GALNT13: variants seen among roughly 807,000 people sequenced by gnomAD.
GALNT13 encodes polypeptide N-acetylgalactosaminyltransferase 13.
In GALNT13, 28 loss-of-function variants were observed where a neutral mutation model predicts 64.2. The ratio of observed to expected loss-of-function variants is 0.44; its 90% CI spans 0.32 to 0.60. The LOEUF (loss-of-function observed/expected upper bound fraction) is 0.60, where lower values mean the gene tolerates loss of function less well. Ranked by LOEUF, GALNT13 falls within the 20% of genes least tolerant of loss-of-function variation. The pLI is 0.05. For synonymous variants in GALNT13, 214 were observed against 224.6 expected, an observed-to-expected ratio of 0.95 and a Z score of 0.42; for missense variants, 577 against 669.8, an observed-to-expected ratio of 0.86 and a Z score of 1.53.
chr2:154,211,167 AAAC>A (rs548751663), intron 4 of GALNT13, among the ~76,000 whole-genome samples: 8 of 152,278 alleles, frequency 5.3e-5, no homozygotes, highest in Admixed American at 1.3e-4. Context: ...TTTGTCATGC[AAAC>A]ATCATAGAGT....
chr2:153,724,146 C>T, the GALNT13 span, among the ~76,000 whole-genome samples: 1 of 140,652 alleles, frequency 7.1e-6, no homozygotes, highest in African/African-American at 2.9e-5. Flanking sequence ...TCAGAAATAA[C>T]GCCACATACC....
chr2:153,931,142 A>G (rs1308651896), intron 2 of GALNT13, among the ~76,000 whole-genome samples: 1 of 146,824 alleles, frequency 6.8e-6, no homozygotes, highest in East Asian at 2.1e-4. Context: ...TTTAGATCTC[A>G]GCTCTGACAT....
chr2:153,520,168 ATTTAT>A, the GALNT13 span, among the ~76,000 whole-genome samples: 1 of 152,224 alleles, frequency 6.6e-6, no homozygotes, highest in Non-Finnish European at 1.5e-5. Context: ...TATTTGAGTT[ATTTAT>A]TTTAATGATC....
intron 3 of GALNT13, among the ~76,000 whole-genome samples, chr2:154,097,821 G>T (rs923409371): frequency 1.3e-5 from 2 of 152,072 alleles, no homozygotes; most frequent in Non-Finnish European, 1.5e-5. Flanking sequence ...GCATAAGAAA[G>T]AGCAATAACC....
rs373544392 is a variant in GALNT13 at position 153,941,341 on chromosome 2, C to A, written c.-104-3053C>A. Among the ~76,000 whole-genome samples, 8 of 152,266 alleles carry A rather than the reference C, an allele frequency of 5.3e-5. No individual in the cohort carries two copies. The East Asian group carries it at 1.5e-3, about 29-fold the overall frequency. Reference sequence around the variant, plus strand: ...AGATAGGAAATATGGTACACATTTTCAAGTAAAAATCCTATAACATAGACA... The same window carrying A: ...AGATAGGAAATATGGTACACATTTTAAAGTAAAAATCCTATAACATAGACA... On this transcript the variant is annotated intron_variant, in intron 2 of 12. Transcript: ENST00000392825.
chr2:153,127,040 T>A, the GALNT13 span, among the ~76,000 whole-genome samples: 1 of 151,992 alleles, frequency 6.6e-6, no homozygotes, highest in Non-Finnish European at 1.5e-5. Flanking sequence ...GAACCAGAAA[T>A]TAAAAGGATA....
intron 10 of GALNT13, among the ~76,000 whole-genome samples, chr2:154,397,279 C>CA (rs946829771): frequency 1.3e-3 from 202 of 151,016 alleles, no homozygotes; most frequent in African/African-American, 2.3e-3. Flanking sequence ...ACTAAAAATA[C>CA]AAAAAAAAAC....
chr2:153,277,182 A>G, the GALNT13 span, among the ~76,000 whole-genome samples: 3 of 152,206 alleles, frequency 2.0e-5, no homozygotes, highest in Non-Finnish European at 4.4e-5. Flanking sequence ...CCCCATAGGC[A>G]GATTTTCAAT....
At chr2:153,849,848 C>T in the GALNT13 span, among the ~76,000 whole-genome samples, 1 of 151,922 alleles carries the variant, frequency 6.6e-6, no homozygotes, top group Admixed American at 6.6e-5. Context: ...AAGAAACTAT[C>T]TGATTCTGGG....
chr2:153,814,449 A>ATAAGTAAGTAAGTAAGTAAG, the GALNT13 span, among the ~76,000 whole-genome samples: 4 of 148,306 alleles, frequency 2.7e-5, no homozygotes, highest in African/African-American at 1.0e-4. Flanking sequence ...CAATAAATAA[A>ATAAGTAAGTAAGTAAGTAAG]TAAGTAAGTA....
intron 3 of GALNT13, among the ~76,000 whole-genome samples, chr2:153,967,442 C>T (rs1693446963): frequency 6.6e-6 from 1 of 152,170 alleles, no homozygotes; most frequent in Non-Finnish European, 1.5e-5. Flanking sequence ...GCAGCTCTTT[C>T]AGCAGTAGGT....
In GALNT13 at chr2:154,388,687, A is replaced by T. The variant is rs995083389; in HGVS notation, c.1157-7304A>T. On this transcript the variant is annotated intron_variant, in intron 9 of 12. Coordinates refer to ENST00000392825, the MANE Select transcript of GALNT13 (RefSeq NM_052917.4). ...ACAATAATTGCTAGCTGGATTAACA[A>T]TGGCTTATTATTATATTATTTTAAA... Among the ~76,000 whole-genome samples, 241 of 124,812 alleles carry T rather than the reference A, an allele frequency of 1.9e-3. 1 individual carries two copies. The highest frequency in any genetic ancestry group is 2.6e-3 in the Non-Finnish European group (152 of 58,670). 81.9% of individuals were successfully genotyped at this position (124,812 alleles called of 152,430 possible). A position where few individuals can be genotyped will look rare whatever the true frequency, so the allele number is the denominator to read the frequency against.
chr2:153,249,101 C>T, the GALNT13 span, among the ~76,000 whole-genome samples: 1 of 152,184 alleles, frequency 6.6e-6, no homozygotes, highest in African/African-American at 2.4e-5. Context: ...TCTCTGTTTG[C>T]AGCTGACATA....
intron 4 of GALNT13, among the ~76,000 whole-genome samples, chr2:154,173,395 A>C: frequency 6.6e-6 from 1 of 151,780 alleles, no homozygotes; most frequent in Middle Eastern, 3.4e-3. Context: ...AAATTAAATT[A>C]ATAGATTGAA....
At chr2:154,027,028 G>T (rs13004476) in intron 3 of GALNT13, among the ~76,000 whole-genome samples, 31,071 of 152,168 alleles carry the variant, frequency 0.2, 4,090 homozygotes, top group Middle Eastern at 0.33. Flanking sequence ...CAAGCAGGAA[G>T]CAGGATGCCT....
intron 1 of GALNT13, among the ~76,000 whole-genome samples, chr2:153,899,076 T>C (rs920178734): frequency 3.9e-5 from 6 of 152,212 alleles, no homozygotes; most frequent in African/African-American, 4.8e-5. Context: ...ATGAGAAATC[T>C]TCTGCTTTTG....
At chr2:153,620,721 GA>G in the GALNT13 span, among the ~76,000 whole-genome samples, 28 of 151,766 alleles carry the variant, frequency 1.8e-4, no homozygotes, top group African/African-American at 6.5e-4. Context: ...TAAATTCTAT[GA>G]AAAGTCCTAT....
the GALNT13 span, among the ~76,000 whole-genome samples, chr2:153,363,585 C>T: frequency 1.3e-5 from 2 of 152,042 alleles, no homozygotes; most frequent in Admixed American, 6.6e-5. Context: ...TAGACACTAC[C>T]ATCAGAGAAT....
intron 4 of GALNT13, among the ~76,000 whole-genome samples, chr2:154,228,635 G>A (rs2105840487): frequency 6.6e-6 from 1 of 152,284 alleles, no homozygotes; most frequent in South Asian, 2.1e-4. Context: ...TTGCCACCAA[G>A]GAGCTCAGTC....
Sources: gnomAD v4.1 joint callset for allele counts (sites outside exome capture counted in the v4.1 genomes callset) on GRCh38, gnomAD v4.1.1 for gene constraint, MANE v1.5 for transcripts, NCBI Gene and HGNC (gene_info 2026-07-23, HGNC 2026-07-21) for gene names.